The following MRC1 variants were observed in gnomAD, a reference collection of about 807,000 sequenced individuals.
MRC1 encodes the protein mannose receptor C-type 1, also known as macrophage mannose receptor 1.
In MRC1, 62 loss-of-function variants were observed where a neutral mutation model predicts 102.9. That is an observed-to-expected ratio of 0.60 (90% CI 0.49 to 0.74). The LOEUF is 0.74. MRC1 is among the 30% of genes least tolerant of loss of function. The pLI is 0.00. For synonymous variants in MRC1, 457 were observed against 298.4 expected (o/e 1.53, Z -5.48); for missense variants, 1,237 against 862.8 (o/e 1.43, Z -5.43).
intron 5 of MRC1, 71 bp downstream of exon 5, chr10:17,840,877 A>G: frequency 1.3e-6 from 1 of 779,856 alleles, no homozygotes. Context: ...GACGTTTATT[A>G]TCTCACCTGT....
Position 17,880,656 on chromosome 10 carries a change from T to G in MRC1, c.2851T>G (p.Phe951Val). 1.3e-6 allele frequency: 1 copy of G among 780,830 alleles called. No homozygotes were observed. Among genetic ancestry groups the G allele is most frequent in the East Asian group, 2.4e-5 (1 of 41,248 alleles). 48.4% of individuals were successfully genotyped at this position (780,830 alleles called of 1,614,324 possible). Residue 951 changes from phenylalanine to valine, a missense_variant, in exon 20 of 30, where the codon TTC becomes GTC. Phe to Val is a conservative substitution (Grantham distance 50, BLOSUM62 -1). Transcript: ENST00000569591. ...VPSGCKEGWNFYSNKCFKIFG... is the reference protein window; with the variant it reads ...VPSGCKEGWNVYSNKCFKIFG... ...ATCAGGGTGCAAGGAAGGTTGGAAT[T>G]TCTACAGCAACAAGGTACTAGGAAA...
chr10:17,885,135 A>C (rs1267729586), intron 21 of MRC1, 134 bp from the exon 22 acceptor site: 3 of 719,288 alleles, frequency 4.2e-6, no homozygotes, highest in Non-Finnish European at 7.7e-6. Flanking sequence ...TTGTGTGTTC[A>C]TGGTAGGTAT....
Position 17,911,009 on chromosome 10 carries a change from GAGA to G in MRC1, c.*545_*547del, listed in dbSNP as rs1369502097. On this transcript the variant is annotated 3_prime_UTR_variant, in exon 30 of 30. Transcript: ENST00000569591. ...CAGCTGAGAATCTTGTTTCCCCCAA[GAGA>G]GTTTTACAGGCTGAGTGTTGCAAAT... 6.0e-6 allele frequency: 1 copy of G among 165,424 alleles called. No homozygotes were observed. Among genetic ancestry groups the G allele is most frequent in the African/African-American group, 2.4e-5 (1 of 41,468 alleles). The allele number at this position is 165,424 out of a possible 1,614,324, so 10.2% of individuals were successfully genotyped here.
intron 25 of MRC1, among the ~76,000 whole-genome samples, chr10:17,901,771 G>A (rs1421245542): frequency 1.3e-5 from 2 of 152,028 alleles, no homozygotes; most frequent in Middle Eastern, 3.2e-3. Context: ...CTATACCATA[G>A]CACATTCTAT....
intron 26 of MRC1, among the ~76,000 whole-genome samples, chr10:17,905,969 T>C (rs1234335325): frequency 1.3e-5 from 2 of 152,226 alleles, no homozygotes; most frequent in East Asian, 3.8e-4. Context: ...TTAAAAGATA[T>C]TAGTTATTAT....
chr10:17,848,454 A>G lies in MRC1; in HGVS notation c.1064-1125A>G, dbSNP rs978286507. Among the ~76,000 whole-genome samples the G allele has an allele frequency of 1.6e-4, 25 of 152,260 alleles. No individual in the cohort carries two copies. In the East Asian group the frequency reaches 4.8e-3, roughly 29 times the overall value. ...TCTGCCTTCAAATGTCTTTATTGTC[A>G]CTTTCCCCTAGCTCATTACTATTAA... On this transcript the variant is annotated intron_variant, in intron 6 of 29. Coordinates refer to ENST00000569591, the MANE Select transcript of MRC1 (RefSeq NM_002438.4).
At chr10:17,848,955 G>C (rs916450673) in intron 6 of MRC1, among the ~76,000 whole-genome samples, 1 of 152,082 alleles carries the variant, frequency 6.6e-6, no homozygotes, top group African/African-American at 2.4e-5. Flanking sequence ...AAGAGTGACT[G>C]GCTCCCTAAT....
At chr10:17,814,386 G>C (rs1838273866) in intron 1 of MRC1, among the ~76,000 whole-genome samples, 1 of 152,170 alleles carries the variant, frequency 6.6e-6, no homozygotes, top group African/African-American at 2.4e-5. Flanking sequence ...GGAAAGGAAG[G>C]AATTAATATT....
In MRC1 at chr10:17,823,464, G is replaced by T. The variant is rs1838427914; in HGVS notation, c.452G>T (p.Arg151Ile). 1.3e-6 allele frequency: 1 copy of T among 780,798 alleles called. No individual in the cohort carries two copies. The highest frequency in any genetic ancestry group is 2.4e-5 in the East Asian group (1 of 41,272). 48.4% of individuals were successfully genotyped at this position (780,798 alleles called of 1,614,324 possible). Reference sequence around the variant, plus strand: ...GGAACCACAGACAATCTGTGCTCCAGAGGTTATGAAGGTAAGATGCCTGGA... The same window carrying T: ...GGAACCACAGACAATCTGTGCTCCATAGGTTATGAAGGTAAGATGCCTGGA... ...IYGTTDNLCS[R>I]GYEAMYTLLG... Residue 151 changes from arginine to isoleucine, a missense_variant, in exon 2 of 30, where the codon AGA becomes ATA. Transcript: ENST00000569591.
intron 11 of MRC1, 116 bp from the exon 12 acceptor site, chr10:17,866,446 T>C (rs1416615587): frequency 1.3e-6 from 1 of 774,108 alleles, no homozygotes; most frequent in African/African-American, 1.7e-5. Flanking sequence ...CCCCTGCATC[T>C]GAGATCATAA....
intron 1 of MRC1, among the ~76,000 whole-genome samples, chr10:17,818,695 G>C (rs1838349267): frequency 6.6e-6 from 1 of 152,140 alleles, no homozygotes; most frequent in Admixed American, 6.5e-5. Flanking sequence ...TGTAATCCCA[G>C]AGCTGAGGCA....
chr10:17,895,384 G>A (rs1207045054), intron 23 of MRC1, among the ~76,000 whole-genome samples: 3 of 151,508 alleles, frequency 2.0e-5, no homozygotes, highest in East Asian at 1.9e-4. Context: ...TAACCAGACA[G>A]TTTTGGGCAG....
intron 9 of MRC1, among the ~76,000 whole-genome samples, chr10:17,859,331 T>C (rs1833144016): frequency 6.6e-6 from 1 of 152,180 alleles, no homozygotes. Flanking sequence ...GTTGTTGTTG[T>C]TTTTGAGAAG....
At chr10:17,879,114 C>G (rs1457549224) in intron 18 of MRC1, among the ~76,000 whole-genome samples, 2 of 152,090 alleles carry the variant, frequency 1.3e-5, no homozygotes, top group Non-Finnish European at 2.9e-5. Context: ...CCGGGGAGTA[C>G]GATGGGAGGA....
intron 3 of MRC1, among the ~76,000 whole-genome samples, chr10:17,832,172 CA>C (rs1245115043): frequency 6.6e-6 from 1 of 151,556 alleles, no homozygotes; most frequent in Non-Finnish European, 1.5e-5. Context: ...CCAGAAAGAC[CA>C]AACTAGAATG....
intron 8 of MRC1, among the ~76,000 whole-genome samples, chr10:17,853,943 G>GT (rs1184146404): frequency 9.5e-4 from 143 of 151,216 alleles, no homozygotes; most frequent in Non-Finnish European, 1.8e-3. Flanking sequence ...TGGATATGAG[G>GT]TTTTTTTTTT....
At chr10:17,834,312 C>T (rs553158050) in intron 4 of MRC1, among the ~76,000 whole-genome samples, 1 of 152,326 alleles carries the variant, frequency 6.6e-6, no homozygotes, top group East Asian at 1.9e-4. Context: ...GTTCTTTTAG[C>T]CTCCTGTCCC....
chr10:17,835,573 A>G (rs1276306420), intron 4 of MRC1, among the ~76,000 whole-genome samples: 1 of 152,172 alleles, frequency 6.6e-6, no homozygotes, highest in East Asian at 1.9e-4. Context: ...AAAACGGGGA[A>G]TGTCTTGTGA....
At chr10:17,870,178 A>G (rs1432976960) in intron 12 of MRC1, 68 bp from the exon 13 acceptor site, 1 of 738,712 alleles carries the variant, frequency 1.4e-6, no homozygotes, top group African/African-American at 1.8e-5. Context: ...TCAAAAGTAA[A>G]TATTTGTTTC....
Sources: allele counts gnomAD v4.1 joint callset (sites outside exome capture counted in the v4.1 genomes callset), GRCh38; gene constraint gnomAD v4.1.1; transcripts MANE v1.5; gene names NCBI Gene and HGNC (gene_info 2026-07-23, HGNC 2026-07-21).